The following ROBO2 variants were observed in gnomAD, a reference collection of about 807,000 sequenced individuals.
ROBO2 encodes the protein roundabout guidance receptor 2.
ROBO2 carries 53 observed loss-of-function variants against 160.8 expected under a neutral mutation model. The ratio of observed to expected loss-of-function variants is 0.33; its 90% CI spans 0.26 to 0.41. ROBO2 has a LOEUF of 0.41. ROBO2 is among the 10% of genes least tolerant of loss of function. The pLI, the probability that ROBO2 is intolerant of heterozygous loss-of-function variation, is 1.00. For missense variants in ROBO2, 1,577 were observed against 1,722.4 expected (o/e 0.92, Z 1.49); for synonymous variants, 664 against 611.7 (o/e 1.09, Z -1.26).
intron 2 of ROBO2, among the ~76,000 whole-genome samples, chr3:76,937,829 T>C (rs2077814580): frequency 6.6e-6 from 1 of 152,218 alleles, no homozygotes; most frequent in Non-Finnish European, 1.5e-5. Flanking sequence ...AAGTTATGCA[T>C]AAAGCTGGAT....
At chr3:76,557,621 T>A (rs1428083705) in intron 2 of ROBO2, among the ~76,000 whole-genome samples, 2 of 150,476 alleles carry the variant, frequency 1.3e-5, no homozygotes, top group Non-Finnish European at 3.0e-5. Context: ...TTTTTTTTTT[T>A]TACTTTAAGA....
chr3:76,897,940 T>C (rs2074934797), intron 2 of ROBO2, among the ~76,000 whole-genome samples: 1 of 152,282 alleles, frequency 6.6e-6, no homozygotes, highest in African/African-American at 2.4e-5. Context: ...TAGAATTTTC[T>C]AGTGTAGTTG....
chr3:76,941,744 T>G lies in ROBO2; in HGVS notation c.110-156270T>G, dbSNP rs934114931. The stretch of plus-strand genomic sequence containing the variant: ...ATTGTGTCTCTCTCCCTCACTTGTC[T>G]GCAATTTTTAGGAGAATTTCGCTAG... On this transcript the variant is annotated intron_variant, in intron 2 of 26. Transcript: ENST00000487694. Among the ~76,000 whole-genome samples the G allele has an allele frequency of 7.9e-5, 12 of 152,220 alleles. 1 individual carries two copies. The highest frequency in any genetic ancestry group is 7.9e-4 in the Admixed American group (12 of 15,282).
rs71104679 is a variant in ROBO2 at position 77,386,603 on chromosome 3, A to ATTTTTTTTTTTTTTTTTTTTTTTTTTTT, written c.389-90794_389-90793insTTTTTTTTTTTTTTTTTTTTTTTTTTTT. Among the ~76,000 whole-genome samples, 11 of 91,898 alleles carry ATTTTTTTTTTTTTTTTTTTTTTTTTTTT rather than the reference A, an allele frequency of 1.2e-4. 1 individual carries two copies. Among genetic ancestry groups the ATTTTTTTTTTTTTTTTTTTTTTTTTTTT allele is most frequent in the East Asian group, 8.0e-4 (2 of 2,508 alleles). 60.3% of individuals were successfully genotyped at this position (91,898 alleles called of 152,430 possible). On this transcript the variant is annotated intron_variant, in intron 2 of 25. Transcript: ENST00000461745. Reference sequence around the variant, plus strand: ...AGTTAATTATTTTTTCAGCCAGGTAATTTTTTTTTTTTTTTTTGAAATAGA... The same window carrying ATTTTTTTTTTTTTTTTTTTTTTTTTTTT: ...AGTTAATTATTTTTTCAGCCAGGTAATTTTTTTTTTTTTTTTTTTTTTTTTTTTTTTTTTTTTTTTTTTTTGAAATAGA...
At chr3:77,509,746 T>C (rs949463198) in intron 5 of ROBO2, among the ~76,000 whole-genome samples, 9 of 152,114 alleles carry the variant, frequency 5.9e-5, no homozygotes, top group Admixed American at 1.3e-4. Flanking sequence ...TTCCCCTTCC[T>C]GCACGTGTAC....
At chr3:77,144,930 C>G (rs1461041728) in intron 2 of ROBO2, among the ~76,000 whole-genome samples, 1 of 149,304 alleles carries the variant, frequency 6.7e-6, no homozygotes, top group Non-Finnish European at 1.5e-5. Flanking sequence ...CTACTTCTCT[C>G]ATCATTTTTT....
chr3:76,343,709 T>C (rs1312168690), intron 2 of ROBO2, among the ~76,000 whole-genome samples: 3 of 152,016 alleles, frequency 2.0e-5, no homozygotes, highest in African/African-American at 7.2e-5. Context: ...TGGTGAGATT[T>C]TGGCCTTAGA....
At chr3:76,753,735 A>G (rs189897950) in intron 2 of ROBO2, among the ~76,000 whole-genome samples, 12 of 151,888 alleles carry the variant, frequency 7.9e-5, no homozygotes. Context: ...TAATATTTTA[A>G]CTTTTTTCAT....
Position 75,929,092 on chromosome 3 carries a change from A to AG in ROBO2, c.-13-8382dup, listed in dbSNP as rs1354416954. On this transcript the variant is annotated intron_variant, in intron 1 of 26. Coordinates refer to the ROBO2 transcript ENST00000487694. ...GGATAAGACGTGTGTGTGTGTGTGGAGGGGGGGTAGCTGATGATTATAGAA... is the reference window on the plus strand; with the variant it reads ...GGATAAGACGTGTGTGTGTGTGTGGAGGGGGGGGTAGCTGATGATTATAGAA... Among the ~76,000 whole-genome samples the AG allele has an allele frequency of 1.8e-4, 20 of 108,994 alleles. 5 individuals are homozygous for AG. The highest frequency in any genetic ancestry group is 6.7e-4 in the African/African-American group (18 of 26,798). The allele number at this position is 108,994 out of a possible 152,430, so 71.5% of individuals were successfully genotyped here. A position where few individuals can be genotyped will look rare whatever the true frequency, so the allele number is the denominator to read the frequency against.
At chr3:76,335,516 T>TTA (rs1389323771) in intron 2 of ROBO2, among the ~76,000 whole-genome samples, 7 of 152,036 alleles carry the variant, frequency 4.6e-5, no homozygotes, top group Non-Finnish European at 8.8e-5. Context: ...TGATATAAAA[T>TTA]TAATTTACAT....
At chr3:77,061,777 A>T (rs2066337570) in intron 1 of ROBO2, among the ~76,000 whole-genome samples, 1 of 152,114 alleles carries the variant, frequency 6.6e-6, no homozygotes, top group South Asian at 2.1e-4. Context: ...CTTTAACAGG[A>T]TTACTGAGTT....
At chr3:76,242,059 AT>A (rs1029990198) in intron 2 of ROBO2, among the ~76,000 whole-genome samples, 1 of 152,136 alleles carries the variant, frequency 6.6e-6, no homozygotes, top group Non-Finnish European at 1.5e-5. Context: ...CTGAAATGTA[AT>A]TTTTTTTCCC....
At chr3:77,071,801 G>A (rs750887482) in intron 1 of ROBO2, among the ~76,000 whole-genome samples, 20 of 152,126 alleles carry the variant, frequency 1.3e-4, no homozygotes, top group African/African-American at 3.1e-4. Context: ...TTACTTGCAC[G>A]AGGCTGAGCC....
At chr3:77,140,301 A>G (rs571665736) in intron 2 of ROBO2, among the ~76,000 whole-genome samples, 30 of 152,314 alleles carry the variant, frequency 2.0e-4, no homozygotes, top group African/African-American at 7.2e-4. Flanking sequence ...TTTTAAAATA[A>G]TAACTAGATT....
intron 2 of ROBO2, among the ~76,000 whole-genome samples, chr3:76,798,319 G>GAAAGAAAA: frequency 2.7e-5 from 3 of 113,130 alleles, no homozygotes; most frequent in Non-Finnish European, 5.9e-5. Context: ...AAAGAAAAAA[G>GAAAGAAAA]AACGAATGAA....
intron 19 of ROBO2, among the ~76,000 whole-genome samples, chr3:77,600,715 T>G (rs2094413476): frequency 6.6e-6 from 1 of 152,198 alleles, no homozygotes; most frequent in Non-Finnish European, 1.5e-5. Context: ...GGATCTATTG[T>G]GACCAATTTG....
chr3:77,377,094 A>G (rs1336035743), intron 2 of ROBO2, among the ~76,000 whole-genome samples: 1 of 152,184 alleles, frequency 6.6e-6, no homozygotes, highest in Admixed American at 6.5e-5. Flanking sequence ...GAGTTTGACC[A>G]AAAGCTGATT....
At chr3:76,574,585 C>T (rs1349737384) in intron 2 of ROBO2, among the ~76,000 whole-genome samples, 1 of 152,044 alleles carries the variant, frequency 6.6e-6, no homozygotes, top group Non-Finnish European at 1.5e-5. Flanking sequence ...AATCACATAT[C>T]TTATGCACAT....
intron 2 of ROBO2, among the ~76,000 whole-genome samples, chr3:75,964,739 A>C (rs907888329): frequency 5.9e-5 from 9 of 151,652 alleles, no homozygotes; most frequent in Admixed American, 5.3e-4. Context: ...AATTTCCCAG[A>C]ACTCTAATAT....
Sources: gnomAD v4.1 joint callset for allele counts (sites outside exome capture counted in the v4.1 genomes callset) on GRCh38, gnomAD v4.1.1 for gene constraint, MANE v1.5 for transcripts, NCBI Gene and HGNC (gene_info 2026-07-23, HGNC 2026-07-21) for gene names.